The following CABP2 variants were observed in gnomAD, a reference collection of about 807,000 sequenced individuals.
CABP2 encodes calcium-binding protein 2.
In CABP2, 25 loss-of-function variants were observed where a neutral mutation model predicts 28.6. That is an observed-to-expected ratio of 0.87 (90% CI 0.64 to 1.22). The LOEUF (loss-of-function observed/expected upper bound fraction) is 1.22. CABP2 is among the 50% of genes most tolerant of loss of function. CABP2 has a pLI of 0.00. For missense variants in CABP2, 310 were observed against 312.2 expected, an observed-to-expected ratio of 0.99 and a Z score of 0.05; for synonymous variants, 138 against 126.0, an observed-to-expected ratio of 1.09 and a Z score of -0.64.
intron 4 of CABP2, among the ~76,000 whole-genome samples, chr11:67,520,429 G>A (rs937228262): frequency 1.3e-5 from 2 of 152,092 alleles, no homozygotes; most frequent in Non-Finnish European, 2.9e-5. Context: ...AGGCTGAGGC[G>A]GGTGGATCAC....
chr11:67,520,369 CT>C (rs1304855392), intron 4 of CABP2, among the ~76,000 whole-genome samples: 1 of 152,130 alleles, frequency 6.6e-6, no homozygotes, highest in African/African-American at 2.4e-5. Context: ...ACTCTCAAAA[CT>C]TATTGGGCCG....
rs778803000 is a variant in CABP2, at chr11:67,522,538, G to A, written c.213+8C>T. The A allele has an allele frequency of 1.2e-5, 19 of 1,553,454 alleles. No individual in the cohort carries two copies. The highest frequency in any genetic ancestry group is 2.4e-5 in the East Asian group (1 of 41,086). ...CAGGCAGGCTGGCGGGCGGGTGGCC[G>A]TACATACGAGTTGGGTGGCGGCAAT... On this transcript the variant is annotated splice_region_variant and intron_variant, in intron 2 of 6. Coordinates refer to ENST00000294288, the MANE Select transcript of CABP2 (RefSeq NM_016366.3).
In CABP2 at chr11:67,523,379, C is replaced by T. The variant is rs564526720; in HGVS notation, c.-53G>A. 5.9e-5 allele frequency: 89 copies of T among 1,496,942 alleles called. No individual in the cohort carries two copies. The East Asian group carries it at 7.3e-4, about 12-fold the overall frequency. 92.7% of individuals were successfully genotyped at this position (1,496,942 alleles called of 1,614,324 possible). ...CCCCGGGGGTGGCCCGGGTGGGCCT[C>T]GGCGGATGCTGCTGCCTGAGGACTC... is the stretch of plus-strand genomic sequence containing the variant. On this transcript the variant is annotated 5_prime_UTR_variant, in exon 1 of 7. Coordinates refer to ENST00000294288, the MANE Select transcript of CABP2 (RefSeq NM_016366.3).
chr11:67,522,797 T>C, intron 1 of CABP2, 81 bp from the exon 2 acceptor site: 1 of 1,304,132 alleles, frequency 7.7e-7, no homozygotes, highest in Non-Finnish European at 1.0e-6. Context: ...TCTCACCAGC[T>C]GCTCCTGTCT....
At chr11:67,519,242 C>T (rs545037852) in intron 6 of CABP2, 78 bp from the exon 7 acceptor site, 8 of 1,336,328 alleles carry the variant, frequency 6.0e-6, no homozygotes, top group East Asian at 4.8e-5. Flanking sequence ...GGCCTTGGGG[C>T]GGGTGGGAGT....
At chr11:67,523,047 G>A (rs370681347) in intron 1 of CABP2, among the ~76,000 whole-genome samples, 1 of 152,222 alleles carries the variant, frequency 6.6e-6, no homozygotes, top group Admixed American at 6.5e-5. Flanking sequence ...CCTGCAGCCG[G>A]GATGGGGCAG....
rs1337650827 is a variant in CABP2 at position 67,522,545 on chromosome 11, C to T, written c.213+1G>A. The T allele has an allele frequency of 2.3e-5, 35 of 1,553,892 alleles. No individual in the cohort carries two copies. Among genetic ancestry groups the T allele is most frequent in the African/African-American group, 4.1e-5 (3 of 73,126 alleles). ...GCTGGCGGGCGGGTGGCCGTACATA[C>T]GAGTTGGGTGGCGGCAATGCTGGGC... On this transcript the variant is annotated splice_donor_variant, in intron 2 of 6. Coordinates refer to ENST00000294288, the MANE Select transcript of CABP2 (RefSeq NM_016366.3). LOFTEE classifies it high-confidence loss of function.
At chr11:67,521,248 C>T (rs768644266) in intron 3 of CABP2, 89 bp from the exon 4 acceptor site, 2 of 1,358,768 alleles carry the variant, frequency 1.5e-6, no homozygotes, top group Non-Finnish European at 1.0e-6. Context: ...TCCAATCATC[C>T]CTCCTTCTGA....
rs749039443 is a variant in CABP2 at position 67,521,989 on chromosome 11, G to C, written c.214-7C>G. On this transcript the variant is annotated splice_region_variant and splice_polypyrimidine_tract_variant and intron_variant, in intron 2 of 6. Coordinates refer to ENST00000294288, the MANE Select transcript of CABP2 (RefSeq NM_016366.3). ...CGGGCCGCAGCTCCCGGTCCTGAAGGGCACAGAGGGGTTAGGAATTCCCTG... is the reference window on the plus strand; with the variant it reads ...CGGGCCGCAGCTCCCGGTCCTGAAGCGCACAGAGGGGTTAGGAATTCCCTG... 4.3e-6 allele frequency: 7 copies of C among 1,612,176 alleles called. No individual in the cohort carries two copies. Among genetic ancestry groups the C allele is most frequent in the Non-Finnish European group, 5.9e-6 (7 of 1,179,350 alleles).
chr11:67,520,291 T>C, intron 4 of CABP2, 131 bp from the exon 5 acceptor site: 1 of 633,444 alleles, frequency 1.6e-6, no homozygotes, highest in South Asian at 1.9e-5. Context: ...GCCTGGGTCA[T>C]CTGTATTTCC....
At chr11:67,522,939 A>C (rs1866771465) in intron 1 of CABP2, among the ~76,000 whole-genome samples, 1 of 152,276 alleles carries the variant, frequency 6.6e-6, no homozygotes, top group Admixed American at 6.5e-5. Flanking sequence ...AGAAAAGGCA[A>C]GAGACTTGGC....
intron 1 of CABP2, 31 bp downstream of exon 1, chr11:67,523,254 T>TG: frequency 6.6e-7 from 1 of 1,508,916 alleles, no homozygotes; most frequent in Non-Finnish European, 9.0e-7. Flanking sequence ...TCCAGCCTCC[T>TG]GGCCTGGGTT....
In CABP2 at chr11:67,521,148, C is replaced by T. The variant is rs375360165; in HGVS notation, c.256G>A (p.Ala86Thr). ...CGGTCTCGGTCAAACTCCTGGAAGGCGACCTGCAGCTCTGCCAGGCAGGGT... is the reference window on the plus strand; with the variant it reads ...CGGTCTCGGTCAAACTCCTGGAAGGTGACCTGCAGCTCTGCCAGGCAGGGT... ...RPEEIEELQV[A>T]FQEFDRDRDG... Residue 86 changes from alanine to threonine, a missense_variant, in exon 4 of 7, where the codon GCC becomes ACC. Coordinates refer to ENST00000294288, the MANE Select transcript of CABP2 (RefSeq NM_016366.3). The T allele has an allele frequency of 8.7e-6, 14 of 1,612,394 alleles. No homozygotes were observed. The highest frequency in any genetic ancestry group is 1.7e-5 in the Admixed American group (1 of 60,002).
At chr11:67,521,447 G>T (rs1591079160) in intron 3 of CABP2, among the ~76,000 whole-genome samples, 1 of 152,180 alleles carries the variant, frequency 6.6e-6, no homozygotes, top group Non-Finnish European at 1.5e-5. Context: ...ACCTCTTGGA[G>T]ATTTCCTCAC....
At chr11:67,522,125 T>G in intron 2 of CABP2, 143 bp from the exon 3 acceptor site, 1 of 765,882 alleles carries the variant, frequency 1.3e-6, no homozygotes, top group Non-Finnish European at 2.2e-6. Context: ...TCGGCCCTGG[T>G]TCCCACCCCA....
Position 67,522,459 on chromosome 11 carries a change from T to G in CABP2, c.213+87A>C, listed in dbSNP as rs1866760439. 4 of 1,380,278 alleles carry G rather than the reference T, an allele frequency of 2.9e-6. No individual in the cohort carries two copies. The African/African-American group carries it at 5.7e-5, about 20-fold the overall frequency. The allele number at this position is 1,380,278 out of a possible 1,614,324, so 85.5% of individuals were successfully genotyped here. A position where few individuals can be genotyped will look rare whatever the true frequency, so the allele number is the denominator to read the frequency against. On this transcript the variant is annotated intron_variant, in intron 2 of 6. Transcript: ENST00000294288. ...AGGCAAAGCGAGGGGCAAGGGTAGG[T>G]GGGCTGGAGTGCGAGGGGCAAGGGC...
chr11:67,523,431 A>G lies in CABP2; in HGVS notation c.-105T>C. On this transcript the variant is annotated 5_prime_UTR_variant, in exon 1 of 7. Transcript: ENST00000294288. ...TGCCAGCCCCCAGCTGCTCCCGATGAGAGCCTGGGAGTACTGCCGGGGATT... is the reference window on the plus strand; with the variant it reads ...TGCCAGCCCCCAGCTGCTCCCGATGGGAGCCTGGGAGTACTGCCGGGGATT... 8.2e-7 allele frequency: 1 copy of G among 1,225,710 alleles called. No homozygotes were observed. Among genetic ancestry groups the G allele is most frequent in the South Asian group, 1.8e-5 (1 of 57,108 alleles). 75.9% of individuals were successfully genotyped at this position (1,225,710 alleles called of 1,614,324 possible).
At chr11:67,523,171 G>A (rs1866776001) in intron 1 of CABP2, 114 bp downstream of exon 1, 3 of 791,576 alleles carry the variant, frequency 3.8e-6, no homozygotes, top group South Asian at 3.5e-5. Flanking sequence ...CTCCACCTGG[G>A]GCAGTGGGCA....
At position 67,520,103 on chromosome 11, in the gene CABP2, G is replaced by A; in HGVS notation, c.437C>T (p.Ala146Val). Residue 146 changes from alanine to valine, a missense_variant, in exon 5 of 7, where the codon GCA (alanine) becomes GTA (valine). Physicochemically the swap from Ala to Val is moderately conservative, Grantham distance 64. Coordinates refer to ENST00000294288, the MANE Select transcript of CABP2 (RefSeq NM_016366.3). ...FVELMGPKLL[A>V]ETADMIGVRE... The stretch of plus-strand genomic sequence containing the variant: ...GACACCGATCATGTCTGCCGTCTCT[G>A]CCAGCAGCTTGGGGCCCATCAGCTC... The A allele has an allele frequency of 6.2e-7, 1 of 1,613,894 alleles. No individual in the cohort carries two copies. The highest frequency in any genetic ancestry group is 8.5e-7 in the Non-Finnish European group (1 of 1,179,986).
Sources: gnomAD v4.1 joint callset for allele counts (sites outside exome capture counted in the v4.1 genomes callset) on GRCh38, gnomAD v4.1.1 for gene constraint, MANE v1.5 for transcripts, NCBI Gene and HGNC (gene_info 2026-07-23, HGNC 2026-07-21) for gene names.